TRIM75: variants seen among roughly 807,000 people sequenced by gnomAD.
TRIM75 encodes tripartite motif containing 75.
the TRIM75 span, among the ~76,000 whole-genome samples, chr4:165,055,699 G>T: frequency 6.6e-6 from 1 of 152,178 alleles, no homozygotes; most frequent in Non-Finnish European, 1.5e-5. Context: ...AGAAAATAGT[G>T]GCAGGACCTG....
At chr4:165,057,671 C>G in the TRIM75 span, among the ~76,000 whole-genome samples, 1 of 152,112 alleles carries the variant, frequency 6.6e-6, no homozygotes, top group African/African-American at 2.4e-5. Context: ...GTAGCTATTA[C>G]AGGCATGTGC....
the TRIM75 span, chr4:165,059,713 A>G: frequency 1.3e-6 from 1 of 780,936 alleles, no homozygotes; most frequent in Non-Finnish European, 2.4e-6. Context: ...GAATTTGAGC[A>G]CCTCAACCAG....
At chr4:165,056,467 AGT>A in the TRIM75 span, among the ~76,000 whole-genome samples, 2 of 151,912 alleles carry the variant, frequency 1.3e-5, no homozygotes, top group Non-Finnish European at 1.5e-5. Flanking sequence ...GTCTGATAAA[AGT>A]GTGTTTTTAT....
At chr4:165,057,726 G>A in the TRIM75 span, among the ~76,000 whole-genome samples, 2 of 152,068 alleles carry the variant, frequency 1.3e-5, no homozygotes, top group African/African-American at 4.8e-5. Context: ...TAGCGACAAG[G>A]TTTTGCCATG....
the TRIM75 span, chr4:165,060,404 T>G: frequency 1.3e-6 from 1 of 780,920 alleles, no homozygotes; most frequent in Non-Finnish European, 2.4e-6. Flanking sequence ...TCCTGGACTA[T>G]GAGATGGGTG....
chr4:165,059,565 T>A, the TRIM75 span: 1 of 780,818 alleles, frequency 1.3e-6, no homozygotes, highest in South Asian at 1.3e-5. Flanking sequence ...TGCCATTCAT[T>A]ATAGGAAAAG....
chr4:165,057,434 T>C, the TRIM75 span, among the ~76,000 whole-genome samples: 2 of 152,228 alleles, frequency 1.3e-5, no homozygotes, highest in African/African-American at 2.4e-5. Flanking sequence ...TATTTGTATA[T>C]ATGTTTGAAT....
chr4:165,059,280 C>A, the TRIM75 span: 2 of 780,474 alleles, frequency 2.6e-6, no homozygotes, highest in Admixed American at 3.4e-5. Context: ...ACAGTCCTGG[C>A]TGGATCTACA....
At chr4:165,056,602 CTTTTTTTTTTTTTTTTT>C in the TRIM75 span, among the ~76,000 whole-genome samples, 1 of 69,962 alleles carries the variant, frequency 1.4e-5, no homozygotes, top group Non-Finnish European at 3.0e-5. Context: ...GTCTCTGTCT[CTTTTTTTTTTTTTTTTT>C]TTTTTTTTTT....
chr4:165,059,809 C>T, the TRIM75 span: 2 of 780,870 alleles, frequency 2.6e-6, no homozygotes, highest in Non-Finnish European at 4.8e-6. Context: ...GCAAACATAA[C>T]AGCATTTTCA....
the TRIM75 span, among the ~76,000 whole-genome samples, chr4:165,057,129 A>C: frequency 6.6e-6 from 1 of 152,166 alleles, no homozygotes; most frequent in Non-Finnish European, 1.5e-5. Context: ...AATGTATGTT[A>C]CACACATGTA....
chr4:165,057,785 C>T, the TRIM75 span, among the ~76,000 whole-genome samples: 6 of 152,248 alleles, frequency 3.9e-5, no homozygotes, highest in African/African-American at 4.8e-5. Flanking sequence ...CCTCCCACCT[C>T]GGCCTCCCAA....
the TRIM75 span, chr4:165,060,070 TTGTATC>T: frequency 1.3e-6 from 1 of 780,780 alleles, no homozygotes; most frequent in Non-Finnish European, 2.4e-6. Flanking sequence ...CCTAACCTGA[TTGTATC>T]TGAAGATAAA....
At chr4:165,056,571 CCTTTTT>C in the TRIM75 span, among the ~76,000 whole-genome samples, 1 of 143,926 alleles carries the variant, frequency 6.9e-6, no homozygotes, top group Non-Finnish European at 1.5e-5. Context: ...TGTACCATGT[CCTTTTT>C]CTTTTTCTTT....
At chr4:165,060,205 T>C in the TRIM75 span, 13 of 780,786 alleles carry the variant, frequency 1.7e-5, no homozygotes, top group East Asian at 4.8e-5. Context: ...TTCTGGGAGA[T>C]TGAAGTGGGG....
At chr4:165,060,302 G>A in the TRIM75 span, 5 of 780,808 alleles carry the variant, frequency 6.4e-6, no homozygotes, top group Non-Finnish European at 1.2e-5. Context: ...AGGAATGTTG[G>A]AGAATTGAGC....
chr4:165,058,322 T>C, the TRIM75 span, among the ~76,000 whole-genome samples: 7 of 152,206 alleles, frequency 4.6e-5, no homozygotes, highest in East Asian at 1.4e-3. Context: ...GTGCGCACCA[T>C]CATGCCCAAC....
At chr4:165,056,710 G>A in the TRIM75 span, among the ~76,000 whole-genome samples, 1 of 144,270 alleles carries the variant, frequency 6.9e-6, no homozygotes. Context: ...CGCCTCCCAG[G>A]TTCAAGCCAT....
chr4:165,057,395 C>T, the TRIM75 span, among the ~76,000 whole-genome samples: 1 of 152,032 alleles, frequency 6.6e-6, no homozygotes, highest in African/African-American at 2.4e-5. Flanking sequence ...ACTGAGTGAC[C>T]AAAAGAGAAC....
Sources: allele counts gnomAD v4.1 joint callset (sites outside exome capture counted in the v4.1 genomes callset), GRCh38; gene constraint gnomAD v4.1.1; transcripts MANE v1.5; gene names NCBI Gene and HGNC (gene_info 2026-07-23, HGNC 2026-07-21).